The following MTUS2 variants were observed in gnomAD, a reference collection of about 807,000 sequenced individuals.
MTUS2 encodes the protein microtubule-associated tumor suppressor candidate 2.
MTUS2 carries 40 observed loss-of-function variants against 114.1 expected under a neutral mutation model. The observed-to-expected ratio is 0.35, with a 90% CI of 0.27 to 0.46. MTUS2 has a LOEUF of 0.46. MTUS2 is among the 20% of genes least tolerant of loss of function. The pLI, the probability that MTUS2 is intolerant of heterozygous loss-of-function variation, is 1.00. For missense variants in MTUS2, 1,679 were observed against 1,705.4 expected, an observed-to-expected ratio of 0.98 and a Z score of 0.27; for synonymous variants, 688 against 672.0, an observed-to-expected ratio of 1.02 and a Z score of -0.37.
At chr13:29,073,764 G>A (rs1318803425) in intron 4 of MTUS2, among the ~76,000 whole-genome samples, 1 of 152,072 alleles carries the variant, frequency 6.6e-6, no homozygotes, top group Non-Finnish European at 1.5e-5. Flanking sequence ...CTCCCATAGA[G>A]CTTTTCAGAC....
At chr13:29,371,416 C>T (rs1029614554) in intron 8 of MTUS2, among the ~76,000 whole-genome samples, 1 of 152,068 alleles carries the variant, frequency 6.6e-6, no homozygotes, top group South Asian at 2.1e-4. Context: ...TGGGGTTTCA[C>T]CATGTTGGCC....
intron 8 of MTUS2, among the ~76,000 whole-genome samples, chr13:29,400,989 T>C (rs1290404704): frequency 1.3e-5 from 2 of 152,168 alleles, no homozygotes; most frequent in Non-Finnish European, 2.9e-5. Context: ...AATATTTTCT[T>C]TTCTTCTTCT....
intron 7 of MTUS2, among the ~76,000 whole-genome samples, chr13:29,334,450 C>A (rs1356931694): frequency 6.6e-6 from 1 of 152,112 alleles, no homozygotes; most frequent in African/African-American, 2.4e-5. Flanking sequence ...GATTTTATTT[C>A]CCCTTCACTT....
At chr13:29,492,366 G>A (rs1020438195) in intron 11 of MTUS2, among the ~76,000 whole-genome samples, 1 of 151,848 alleles carries the variant, frequency 6.6e-6, no homozygotes, top group Non-Finnish European at 1.5e-5. Flanking sequence ...GTTTGCGTGT[G>A]TGTGTAGTGT....
Position 28,932,630 on chromosome 13 carries a change from C to T in MTUS2, c.-242-91827C>T, listed in dbSNP as rs1204668597. Among the ~76,000 whole-genome samples the T allele has an allele frequency of 5.9e-5, 9 of 152,288 alleles. No individual in the cohort carries two copies. In the East Asian group the frequency reaches 1.5e-3, roughly 26 times the overall value. ...GAGAAACGGGACAGACCTGAACCCA[C>T]CTCAACCTGGAGCCCTGCAGGTGAG... On this transcript the variant is annotated intron_variant, in intron 2 of 15. Transcript: ENST00000612955.
chr13:28,848,163 C>T (rs182019484), intron 2 of MTUS2, among the ~76,000 whole-genome samples: 7 of 152,198 alleles, frequency 4.6e-5, no homozygotes, highest in South Asian at 2.1e-4. Flanking sequence ...ATGCTGAGAA[C>T]GTCAAAAGGA....
chr13:29,501,020 G>T, intron 14 of MTUS2, 77 bp from the exon 15 acceptor site: 1 of 1,105,258 alleles, frequency 9.0e-7, no homozygotes, highest in Non-Finnish European at 1.4e-6. Flanking sequence ...ATCCTCCAAT[G>T]CCCAGAGCTG....
intron 12 of MTUS2, among the ~76,000 whole-genome samples, chr13:29,494,449 A>T (rs999439664): frequency 3.9e-5 from 6 of 152,060 alleles, no homozygotes; most frequent in African/African-American, 1.2e-4. Flanking sequence ...GATCCATCCT[A>T]TGTTGTAATT....
chr13:29,422,473 A>G (rs1876178839), intron 8 of MTUS2, among the ~76,000 whole-genome samples: 2 of 152,302 alleles, frequency 1.3e-5, no homozygotes, highest in Middle Eastern at 3.4e-3. Flanking sequence ...CACAGTGTTC[A>G]TAAAGTTTTC....
At chr13:28,964,479 A>G (rs750407148) in intron 2 of MTUS2, among the ~76,000 whole-genome samples, 2 of 152,086 alleles carry the variant, frequency 1.3e-5, no homozygotes, top group South Asian at 2.1e-4. Context: ...ACGCATCTCT[A>G]TTTGTCAAAC....
intron 8 of MTUS2, among the ~76,000 whole-genome samples, chr13:29,417,581 T>C (rs749762354): frequency 5.3e-5 from 8 of 152,234 alleles, no homozygotes; most frequent in Non-Finnish European, 1.0e-4. Flanking sequence ...TTTATCTTAC[T>C]CTGGGCACCT....
At chr13:29,221,057 C>G (rs1277113023) in intron 5 of MTUS2, among the ~76,000 whole-genome samples, 1 of 135,726 alleles carries the variant, frequency 7.4e-6, no homozygotes, top group African/African-American at 2.8e-5. Flanking sequence ...CACAGTCTTC[C>G]TCCTCCAGGG....
chr13:29,500,769 T>A (rs1353883636), intron 14 of MTUS2, among the ~76,000 whole-genome samples: 3 of 149,680 alleles, frequency 2.0e-5, no homozygotes, highest in African/African-American at 7.4e-5. Context: ...ACATTCACTA[T>A]AAGAAATACA....
intron 5 of MTUS2, among the ~76,000 whole-genome samples, chr13:29,129,033 T>C (rs1275791486): frequency 2.6e-5 from 4 of 152,218 alleles, no homozygotes; most frequent in Non-Finnish European, 5.9e-5. Context: ...ATGTCGGGCC[T>C]TGTAGAACAT....
chr13:29,173,693 AACC>A (rs879645528), intron 5 of MTUS2, among the ~76,000 whole-genome samples: 7 of 152,254 alleles, frequency 4.6e-5, no homozygotes, highest in Admixed American at 3.9e-4. Context: ...GAATTATTTG[AACC>A]CTTCTGAGAA....
At chr13:29,281,032 A>T (rs553943408) in intron 5 of MTUS2, among the ~76,000 whole-genome samples, 86 of 152,314 alleles carry the variant, frequency 5.6e-4, no homozygotes, top group South Asian at 1.2e-3. Context: ...ATTGACTAGT[A>T]AACTGCAATT....
chr13:28,978,843 GCTAT>G lies in MTUS2; in HGVS notation c.-242-45612_-242-45609del, dbSNP rs1284546266. ...TATCTGCCCAGGTCTTGCCAGTGGT[GCTAT>G]CAAAGGCTGTTAGGCTCTGACAGCT... is the stretch of plus-strand genomic sequence containing the variant. On this transcript the variant is annotated intron_variant, in intron 2 of 15. Coordinates refer to ENST00000612955, the MANE Select transcript of MTUS2 (RefSeq NM_001033602.4). Among the ~76,000 whole-genome samples the G allele has an allele frequency of 2.0e-5, 3 of 152,292 alleles. No homozygotes were observed. In the East Asian group the frequency reaches 5.8e-4, roughly 29 times the overall value.
chr13:28,909,978 A>T (rs899676636), intron 2 of MTUS2, among the ~76,000 whole-genome samples: 7 of 152,234 alleles, frequency 4.6e-5, no homozygotes, highest in African/African-American at 1.7e-4. Context: ...GTGCATAATA[A>T]TCACATAACA....
intron 2 of MTUS2, among the ~76,000 whole-genome samples, chr13:28,913,503 G>A (rs1055823619): frequency 6.6e-6 from 1 of 152,144 alleles, no homozygotes; most frequent in Non-Finnish European, 1.5e-5. Context: ...TGTGCTGCTG[G>A]ATTTGGTTTG....
Sources: gnomAD v4.1 joint callset for allele counts (sites outside exome capture counted in the v4.1 genomes callset) on GRCh38, gnomAD v4.1.1 for gene constraint, MANE v1.5 for transcripts, NCBI Gene and HGNC (gene_info 2026-07-23, HGNC 2026-07-21) for gene names.